The following PIDD1 variants were observed in gnomAD, a reference collection of about 807,000 sequenced individuals.
PIDD1 encodes p53-induced death domain-containing protein 1.
Under a neutral mutation model 80.0 loss-of-function variants are expected in PIDD1, and 72 were observed. The ratio of observed to expected loss-of-function variants is 0.90; its 90% confidence interval spans 0.74 to 1.09. PIDD1 has a LOEUF of 1.09. Among genes scored for constraint, PIDD1 ranks in the 50% least tolerant of loss-of-function variants. The pLI is 0.00. For synonymous variants in PIDD1, 655 were observed against 543.5 expected (o/e 1.21, Z -2.85); for missense variants, 1,329 against 1,228.3 (o/e 1.08, Z -1.23).
rs1565070046 is a variant in PIDD1, at chr11:804,399, C to CG, written c.-12dup. The CG allele has an allele frequency of 6.3e-7, 1 of 1,577,510 alleles. No individual in the cohort carries two copies. Among genetic ancestry groups the CG allele is most frequent in the East Asian group, 2.3e-5 (1 of 44,402 alleles). ...CACCGTTGCAGCCATCGCCCACCGACGGTCCTTGGAGGCCAGACATGTCCC... is the reference window on the plus strand; with the variant it reads ...CACCGTTGCAGCCATCGCCCACCGACGGGTCCTTGGAGGCCAGACATGTCCC... On this transcript the variant is annotated 5_prime_UTR_variant, in exon 2 of 16. Coordinates refer to ENST00000347755, the MANE Select transcript of PIDD1 (RefSeq NM_145886.4).
rs1217240135 is a variant in PIDD1, at chr11:801,052, T to G, written c.1699A>C (p.Ile567Leu). The change falls in exon 10 of 16, where the codon ATC (isoleucine) becomes CTC (leucine). Residue 567 changes from isoleucine (I) to leucine (L), a missense_variant. Ile to Leu is a conservative substitution (Grantham distance 5). Transcript: ENST00000347755. ...WAPPAATWDD[I>L]TAQVVLELTH... ...AGCTCCAGGACCACCTGAGCTGTGA[T>G]GTCATCCCAGGTGGCTGCAGGAGGG... The G allele has an allele frequency of 1.2e-6, 2 of 1,600,948 alleles. No homozygotes were observed. The highest frequency in any genetic ancestry group is 2.2e-5 in the South Asian group (2 of 89,132).
upstream of PIDD1, chr11:805,749 G>A (rs1242448590): frequency 1.2e-5 from 11 of 890,430 alleles, no homozygotes; most frequent in Middle Eastern, 5.7e-4. Context: ...TGGGCCAGAA[G>A]CAGTGAGCCT....
In PIDD1 at chr11:803,261, T is replaced by C; in HGVS notation, c.622A>G (p.Thr208Ala). 1 of 1,613,426 alleles carries C rather than the reference T, an allele frequency of 6.2e-7. No individual in the cohort carries two copies. The highest frequency in any genetic ancestry group is 8.5e-7 in the Non-Finnish European group (1 of 1,179,962). ...AGGCCTCCAATCTCAGGAGGTAGCG[T>C]GTCCAGCAGATTCTGAGAGAGATCG... ...RLDLSQNLLD[T>A]LPPEIGGLGS... Residue 208 changes from threonine (T) to alanine (A), a missense_variant, in exon 3 of 16, where the codon ACG becomes GCG. Physicochemically the swap from Thr to Ala is moderately conservative, Grantham distance 58. Coordinates refer to ENST00000347755, the MANE Select transcript of PIDD1 (RefSeq NM_145886.4).
At position 801,339 on chromosome 11, in the gene PIDD1, C is replaced by T. The variant is rs1379223159; in HGVS notation, c.1509G>A (p.Leu503=). The T allele has an allele frequency of 1.2e-6, 2 of 1,608,908 alleles. No individual in the cohort carries two copies. Among genetic ancestry groups the T allele is most frequent in the Non-Finnish European group, 1.7e-6 (2 of 1,177,848 alleles). ...MQVVRMAGRE[L]QALLGEPEAA... is the part of the protein sequence containing the mutation. Reference sequence around the variant, plus strand: ...CCTCTGGTTCTCCCAGGAGGGCCTGCAGCTCTCGGCCAGCCATGCGCACCA... The same window carrying T: ...CCTCTGGTTCTCCCAGGAGGGCCTGTAGCTCTCGGCCAGCCATGCGCACCA... The change falls in exon 9 of 16, where the codon CTG becomes CTA. Residue 503 remains leucine, a synonymous_variant. Transcript: ENST00000347755.
chr11:808,572 C>T (rs903768577), upstream of PIDD1, among the ~76,000 whole-genome samples: 1 of 152,164 alleles, frequency 6.6e-6, no homozygotes, highest in Non-Finnish European at 1.5e-5. Context: ...TGGTGGCACA[C>T]GCCTGTGGTC....
chr11:805,220 C>A lies in PIDD1; in HGVS notation c.-117G>T, dbSNP rs925136025. On this transcript the variant is annotated 5_prime_UTR_variant, in exon 1 of 16. Coordinates refer to ENST00000347755, the MANE Select transcript of PIDD1 (RefSeq NM_145886.4). The stretch of plus-strand genomic sequence containing the variant: ...GCGCAAAGGGTGGCTGCTCAGCGGG[C>A]GCTCGGCGCCTGGGATCCCGCCGGC... 4 of 983,448 alleles carry A rather than the reference C, an allele frequency of 4.1e-6. No individual in the cohort carries two copies. Among genetic ancestry groups the A allele is most frequent in the Non-Finnish European group, 4.8e-6 (4 of 828,132 alleles). The allele number at this position is 983,448 out of a possible 1,614,324, so 60.9% of individuals were successfully genotyped here.
chr11:800,688 T>C (rs892212383), intron 11 of PIDD1, 22 bp from the exon 12 acceptor site: 3 of 1,567,636 alleles, frequency 1.9e-6, no homozygotes, highest in African/African-American at 2.7e-5. Context: ...CCCGTGCAGC[T>C]CAGGACCCAA....
At position 804,587 on chromosome 11, in the gene PIDD1, GGGAGACCTTGTGGTCACCCTGAACCCC is replaced by G. The variant is rs975523772; in HGVS notation, c.-75-151_-75-125del. 4.0e-6 allele frequency: 4 copies of G among 1,006,902 alleles called. No individual in the cohort carries two copies. In the African/African-American group the frequency reaches 6.5e-5, roughly 16 times the overall value. 62.4% of individuals were successfully genotyped at this position (1,006,902 alleles called of 1,614,324 possible). A position where few individuals can be genotyped will look rare whatever the true frequency, so the allele number is the denominator to read the frequency against. ...CATCTGGGCCTGGGCTGCAGAGTGG[GGGAGACCTTGTGGTCACCCTGAACCCC>G]GGAGGCCTGGGTCACCACTGGAAAG... On this transcript the variant is annotated intron_variant, in intron 1 of 15. Transcript: ENST00000347755.
chr11:804,154 C>T lies in PIDD1; in HGVS notation c.235G>A (p.Glu79Lys), dbSNP rs1865603258. 4 of 1,613,218 alleles carry T rather than the reference C, an allele frequency of 2.5e-6. No individual in the cohort carries two copies. The highest frequency in any genetic ancestry group is 2.2e-5 in the East Asian group (1 of 44,890). The change falls in exon 2 of 16, where the codon GAG (glutamate) becomes AAG (lysine). Residue 79 changes from glutamate (E) to lysine (K), a missense_variant. Coordinates refer to ENST00000347755, the MANE Select transcript of PIDD1 (RefSeq NM_145886.4). ...LSTHEDPQLL[E>K]ATLAQLPQSL... ...TGAGGCAGCTGGGCCAGGGTGGCCTCCAGCAGCTGAGGGTCCTCGTGAGTG... is the reference window on the plus strand; with the variant it reads ...TGAGGCAGCTGGGCCAGGGTGGCCTTCAGCAGCTGAGGGTCCTCGTGAGTG...
In PIDD1 at chr11:799,431, C is replaced by G; in HGVS notation, c.2609G>C (p.Arg870Pro). The part of the protein sequence containing the change: ...SDRQDVAEEV[R>P]AVLELGRRKY... ...GCGGCGGCCGAGCTCCAAGACTGCG[C>G]GCACCTCTTCAGCCACGTCCTGCCG... Residue 870 changes from arginine to proline, a missense_variant, in exon 16 of 16, where the codon CGC (arginine) becomes CCC (proline). Transcript: ENST00000347755. The G allele has an allele frequency of 6.2e-7, 1 of 1,611,220 alleles. No homozygotes were observed. The highest frequency in any genetic ancestry group is 8.5e-7 in the Non-Finnish European group (1 of 1,179,888).
upstream of PIDD1, among the ~76,000 whole-genome samples, chr11:807,573 C>T (rs1436186535): frequency 6.6e-6 from 1 of 151,740 alleles, no homozygotes; most frequent in African/African-American, 2.4e-5. Context: ...GTCAGGAGAT[C>T]GAGACCATCT....
At chr11:808,456 C>T (rs1242300279), upstream of PIDD1, among the ~76,000 whole-genome samples, 2 of 151,854 alleles carry the variant, frequency 1.3e-5, no homozygotes, top group Middle Eastern at 3.4e-3. Context: ...GGGCCGGGCG[C>T]GGTAGCTCAC....
intron 11 of PIDD1, 41 bp from the exon 12 acceptor site, chr11:800,707 A>G: frequency 6.4e-7 from 1 of 1,553,166 alleles, no homozygotes; most frequent in Non-Finnish European, 8.7e-7. Context: ...AAAGCTCTGC[A>G]CCCCACCCCA....
Position 800,373 on chromosome 11 carries a change from G to C in PIDD1, c.2120C>G (p.Thr707Ser), listed in dbSNP as rs1836945526. ...CTGAGCCTCCCGGTCCAGAGTGGTG[G>C]TCACGTATACCTCCTTCACATTCTT... ...HLKNVKEVYV[T>S]TTLDREAQAV... Residue 707 changes from threonine (T) to serine (S), a missense_variant, in exon 13 of 16, where the codon ACC becomes AGC. Coordinates refer to ENST00000347755, the MANE Select transcript of PIDD1 (RefSeq NM_145886.4). 2 of 1,607,976 alleles carry C rather than the reference G, an allele frequency of 1.2e-6. No individual in the cohort carries two copies. The highest frequency in any genetic ancestry group is 1.7e-5 in the Admixed American group (1 of 59,680).
In PIDD1 at chr11:803,469, C is replaced by T. The variant is rs1445926397; in HGVS notation, c.414G>A (p.Glu138=). The T allele has an allele frequency of 1.4e-5, 22 of 1,613,832 alleles. No homozygotes were observed. Among genetic ancestry groups the T allele is most frequent in the Non-Finnish European group, 1.9e-5 (22 of 1,180,022 alleles). ...TCTGCAGGACACAGGCCGGCAGTGT[C>T]TCCAGGCTGTTGAAGCTCAGGTCCA... The part of the protein sequence containing the change: ...AHLDLSFNSL[E]TLPACVLQMR... Residue 138 remains glutamate (E), a synonymous_variant, in exon 3 of 16, where the codon GAG becomes GAA. Coordinates refer to ENST00000347755, the MANE Select transcript of PIDD1 (RefSeq NM_145886.4).
chr11:803,636 C>A, intron 2 of PIDD1, 49 bp from the exon 3 acceptor site: 1 of 1,551,926 alleles, frequency 6.4e-7, no homozygotes, highest in Non-Finnish European at 8.7e-7. Flanking sequence ...GGTCCGAGGT[C>A]CCAGATCGAC....
intron 2 of PIDD1, 125 bp downstream of exon 2, chr11:803,969 C>A: frequency 9.3e-7 from 1 of 1,070,632 alleles, no homozygotes; most frequent in Non-Finnish European, 1.3e-6. Flanking sequence ...GAACAGTTCA[C>A]ACCTGGGGAG....
chr11:800,375 C>A lies in PIDD1; in HGVS notation c.2118G>T (p.Val706=). Residue 706 remains valine (V), a synonymous_variant, in exon 13 of 16, where the codon GTG becomes GTT. Transcript: ENST00000347755. ...SHLKNVKEVY[V]TTTLDREAQA... is the part of the protein sequence containing the mutation. ...GAGCCTCCCGGTCCAGAGTGGTGGT[C>A]ACGTATACCTCCTTCACATTCTTCA... 3.1e-6 allele frequency: 5 copies of A among 1,606,174 alleles called. No homozygotes were observed. Among genetic ancestry groups the A allele is most frequent in the Non-Finnish European group, 3.4e-6 (4 of 1,176,068 alleles).
chr11:799,858 C>T lies in PIDD1; in HGVS notation c.2431G>A (p.Gly811Arg), dbSNP rs535815286. 2.8e-5 allele frequency: 45 copies of T among 1,609,456 alleles called. No homozygotes were observed. In the South Asian group the frequency reaches 4.3e-4, roughly 15 times the overall value. ...CGCTGCACCTCCCGGTAGGACACCC[C>T]CAGGTGCAGGGCCACGGCTGGCCAG... ...LDWPAVALHL[G>R]VSYREVQRIR... Residue 811 changes from glycine (G) to arginine (R), a missense_variant, in exon 15 of 16, where the codon GGG (glycine) becomes AGG (arginine). Coordinates refer to ENST00000347755, the MANE Select transcript of PIDD1 (RefSeq NM_145886.4).
Sources: gnomAD v4.1 joint callset for allele counts (sites outside exome capture counted in the v4.1 genomes callset) on GRCh38, gnomAD v4.1.1 for gene constraint, MANE v1.5 for transcripts, NCBI Gene and HGNC (gene_info 2026-07-23, HGNC 2026-07-21) for gene names.